The following PDE4B variants were observed in gnomAD, a reference collection of about 807,000 sequenced individuals.
PDE4B encodes the protein phosphodiesterase 4B.
A neutral mutation model predicts 82.2 loss-of-function variants in PDE4B; 20 were observed. The observed-to-expected ratio is 0.24, with a 90% CI of 0.17 to 0.35. PDE4B has a LOEUF of 0.35. Among genes scored for constraint, PDE4B ranks in the 10% least tolerant of loss-of-function variants. The pLI, the probability that PDE4B is intolerant of heterozygous loss-of-function variation, is 1.00. For synonymous variants in PDE4B, 320 were observed against 318.9 expected (o/e 1.00, Z -0.04); for missense variants, 655 against 907.2 (o/e 0.72, Z 3.57).
At chr1:66,080,033 T>G (rs1375093440) in intron 3 of PDE4B, among the ~76,000 whole-genome samples, 1 of 152,166 alleles carries the variant, frequency 6.6e-6, no homozygotes, top group Non-Finnish European at 1.5e-5. Context: ...TGTCCTCAGA[T>G]ATTTCTACAT....
intron 7 of PDE4B, among the ~76,000 whole-genome samples, chr1:66,293,261 G>A (rs1657244614): frequency 6.6e-6 from 1 of 152,136 alleles, no homozygotes; most frequent in South Asian, 2.1e-4. Flanking sequence ...GTCATTTGCT[G>A]TGGAGCTCTT....
chr1:66,282,752 T>G (rs893266658), intron 7 of PDE4B, among the ~76,000 whole-genome samples: 9 of 152,312 alleles, frequency 5.9e-5, no homozygotes, highest in Non-Finnish European at 1.2e-4. Flanking sequence ...ATTTTGAGTC[T>G]TTGAGTCTTA....
chr1:66,283,819 A>G (rs1458695122), intron 7 of PDE4B, among the ~76,000 whole-genome samples: 2 of 152,168 alleles, frequency 1.3e-5, no homozygotes, highest in Non-Finnish European at 2.9e-5. Flanking sequence ...CTCTGATGTC[A>G]GACAAGAGAG....
At chr1:66,135,958 A>G (rs868627022) in intron 3 of PDE4B, among the ~76,000 whole-genome samples, 10 of 152,300 alleles carry the variant, frequency 6.6e-5, no homozygotes, top group Middle Eastern at 3.4e-3. Context: ...ACTAATACCA[A>G]TGTAATCTGG....
chr1:66,198,095 T>G (rs1648492780), intron 3 of PDE4B, among the ~76,000 whole-genome samples: 1 of 152,176 alleles, frequency 6.6e-6, no homozygotes, highest in African/African-American at 2.4e-5. Flanking sequence ...AGGCTGGAGC[T>G]TTTTGTTAAT....
chr1:66,354,324 T>C (rs1662062037), intron 8 of PDE4B: 2 of 901,912 alleles, frequency 2.2e-6, no homozygotes, highest in Non-Finnish European at 2.7e-6. Context: ...GAACACCTAG[T>C]TGAAATGGGG....
At chr1:65,967,342 C>T (rs1164740680) in intron 3 of PDE4B, among the ~76,000 whole-genome samples, 1 of 152,196 alleles carries the variant, frequency 6.6e-6, no homozygotes, top group East Asian at 1.9e-4. Flanking sequence ...GAGATACCAT[C>T]TCACACCAGT....
At chr1:65,834,719 G>A (rs1384217008) in intron 1 of PDE4B, among the ~76,000 whole-genome samples, 1 of 152,122 alleles carries the variant, frequency 6.6e-6, no homozygotes, top group Non-Finnish European at 1.5e-5. Context: ...CTAAATTGAG[G>A]CAGAATCCAG....
At chr1:66,347,136 C>G (rs1661455432) in intron 8 of PDE4B, among the ~76,000 whole-genome samples, 1 of 152,168 alleles carries the variant, frequency 6.6e-6, no homozygotes, top group African/African-American at 2.4e-5. Flanking sequence ...AGCACTCCCT[C>G]TACTTCATGT....
At chr1:65,961,571 T>C (rs574579886) in intron 3 of PDE4B, among the ~76,000 whole-genome samples, 15 of 152,282 alleles carry the variant, frequency 9.9e-5, no homozygotes, top group Non-Finnish European at 1.9e-4. Flanking sequence ...CAAATAAATA[T>C]AATTATCCAC....
At chr1:66,161,961 A>G (rs1389150909) in intron 3 of PDE4B, among the ~76,000 whole-genome samples, 1 of 152,218 alleles carries the variant, frequency 6.6e-6, no homozygotes, top group Non-Finnish European at 1.5e-5. Flanking sequence ...TGAAGGCAAT[A>G]ATAGCCAAAT....
At chr1:66,184,863 A>T (rs1647149122) in intron 3 of PDE4B, among the ~76,000 whole-genome samples, 1 of 150,964 alleles carries the variant, frequency 6.6e-6, no homozygotes. Context: ...TTGTACTTTA[A>T]GTTTTAGGGT....
chr1:65,972,300 C>A (rs904947397), intron 3 of PDE4B, among the ~76,000 whole-genome samples: 1 of 152,214 alleles, frequency 6.6e-6, no homozygotes, highest in South Asian at 2.1e-4. Flanking sequence ...CTTCAAATGG[C>A]CCACTGGGCA....
chr1:65,974,443 G>A (rs1650304399), intron 3 of PDE4B, among the ~76,000 whole-genome samples: 2 of 152,168 alleles, frequency 1.3e-5, no homozygotes, highest in Admixed American at 6.5e-5. Context: ...GGTGCTCATA[G>A]TTGATCACTC....
chr1:66,158,422 A>G (rs1185521846), intron 3 of PDE4B, among the ~76,000 whole-genome samples: 1 of 152,204 alleles, frequency 6.6e-6, no homozygotes, highest in Non-Finnish European at 1.5e-5. Context: ...AATATTCAAC[A>G]TCACTAATTG....
intron 1 of PDE4B, among the ~76,000 whole-genome samples, chr1:65,840,049 A>C (rs932803298): frequency 6.6e-6 from 1 of 152,242 alleles, no homozygotes; most frequent in Non-Finnish European, 1.5e-5. Context: ...AAGTGAAGTT[A>C]GTATGTGTAA....
At chr1:66,291,711 G>A (rs975398469) in intron 7 of PDE4B, among the ~76,000 whole-genome samples, 2 of 152,064 alleles carry the variant, frequency 1.3e-5, no homozygotes, top group Non-Finnish European at 2.9e-5. Flanking sequence ...AGCATAAGCT[G>A]CACTCCATGG....
At chr1:65,893,297 A>G (rs1027088970) in intron 1 of PDE4B, among the ~76,000 whole-genome samples, 2 of 152,116 alleles carry the variant, frequency 1.3e-5, no homozygotes, top group African/African-American at 4.8e-5. Flanking sequence ...AAGAAAAAAC[A>G]GAGTTGGTGA....
chr1:66,154,762 C>A (rs542904992), intron 3 of PDE4B, among the ~76,000 whole-genome samples: 2 of 152,296 alleles, frequency 1.3e-5, no homozygotes, highest in African/African-American at 4.8e-5. Context: ...CTGTCTCTTC[C>A]ATTCGCTACA....
Sources: allele counts gnomAD v4.1 joint callset (sites outside exome capture counted in the v4.1 genomes callset), GRCh38; gene constraint gnomAD v4.1.1; transcripts MANE v1.5; gene names NCBI Gene and HGNC (gene_info 2026-07-23, HGNC 2026-07-21).